Variants in EFHC2 observed in about 807,000 individuals in gnomAD.
EFHC2 encodes EF-hand domain-containing family member C2.
A neutral mutation model predicts 52.7 loss-of-function variants in EFHC2; 18 were observed. The ratio of observed to expected loss-of-function variants is 0.34; its 90% CI spans 0.24 to 0.51. EFHC2 has a LOEUF of 0.51. EFHC2 is among the 20% of genes least tolerant of loss of function. The probability of loss-of-function intolerance (pLI) is 0.97; values close to 1 mark genes in which losing one functional copy is unlikely to be tolerated. For synonymous variants in EFHC2, 203 were observed against 204.1 expected, an observed-to-expected ratio of 0.99 and a Z score of 0.04; for missense variants, 513 against 562.5, an observed-to-expected ratio of 0.91 and a Z score of 0.89.
intron 3 of EFHC2, among the ~76,000 whole-genome samples, chrX:44,272,448 A>T (rs2037624195): frequency 8.9e-6 from 1 of 112,059 alleles, no homozygotes; most frequent in African/African-American, 3.2e-5. Context: ...CAGCACCTGA[A>T]AGGATACAAG....
chrX:44,338,158 T>A (rs986931628), intron 1 of EFHC2, among the ~76,000 whole-genome samples: 1 of 111,386 alleles, frequency 9.0e-6, no homozygotes, highest in Non-Finnish European at 1.9e-5. Flanking sequence ...AAATAGTTAG[T>A]GGTTAATTTC....
intron 11 of EFHC2, among the ~76,000 whole-genome samples, chrX:44,200,512 A>C (rs1022851662): frequency 1.8e-5 from 2 of 111,901 alleles, no homozygotes; most frequent in Non-Finnish European, 3.8e-5. Flanking sequence ...TACTTAAAGA[A>C]TAAGAAGGCA....
intron 1 of EFHC2, among the ~76,000 whole-genome samples, chrX:44,315,865 C>T (rs766640968): frequency 6.1e-4 from 68 of 111,133 alleles, no homozygotes; most frequent in South Asian, 1.1e-3. Context: ...GGAAGGAGGG[C>T]GAGCTAGAGT....
chrX:44,285,733 C>T lies in EFHC2; in HGVS notation c.232-12897G>A, dbSNP rs189118652. 6 of 157,100 alleles carry T rather than the reference C, an allele frequency of 3.8e-5. No homozygotes were observed. The South Asian group carries it at 7.0e-4, about 18-fold the overall frequency. The allele number at this position is 157,100 out of a possible 1,213,427, so 12.9% of individuals were successfully genotyped here. Reference sequence around the variant, plus strand: ...TACGACACCCCAAGGCTGTGGCATTCGGCGAAATGGGCTTGGATTACTCCA... The same window carrying T: ...TACGACACCCCAAGGCTGTGGCATTTGGCGAAATGGGCTTGGATTACTCCA... On this transcript the variant is annotated intron_variant, in intron 2 of 14. Transcript: ENST00000420999.
intron 11 of EFHC2, among the ~76,000 whole-genome samples, chrX:44,215,299 C>T (rs1237688112): frequency 1.8e-5 from 2 of 110,872 alleles, no homozygotes; most frequent in East Asian, 2.8e-4. Flanking sequence ...TGATACAATT[C>T]GGATTAGTTG....
chrX:44,279,979 C>T (rs1022366622), intron 2 of EFHC2, among the ~76,000 whole-genome samples: 1 of 107,850 alleles, frequency 9.3e-6, no homozygotes, highest in Non-Finnish European at 1.9e-5. Flanking sequence ...ATTGGCCACA[C>T]TGTCCACCAC....
chrX:44,323,327 G>C (rs985302043), intron 1 of EFHC2, among the ~76,000 whole-genome samples: 2 of 112,066 alleles, frequency 1.8e-5, no homozygotes, highest in Non-Finnish European at 3.8e-5. Flanking sequence ...CTATTTTTAT[G>C]ATTTATTTTT....
At chrX:44,215,950 T>C (rs773653800) in intron 11 of EFHC2, among the ~76,000 whole-genome samples, 1 of 112,031 alleles carries the variant, frequency 8.9e-6, no homozygotes, top group Admixed American at 9.4e-5. Context: ...CAAGGGAAGG[T>C]CTTTGAACAA....
chrX:44,253,828 A>G (rs1214552524), intron 4 of EFHC2, among the ~76,000 whole-genome samples: 1 of 112,213 alleles, frequency 8.9e-6, no homozygotes, highest in African/African-American at 3.2e-5. Flanking sequence ...TCCTGCTAGG[A>G]GACACCTCCC....
chrX:44,305,176 C>A (rs897176435), intron 2 of EFHC2, among the ~76,000 whole-genome samples: 1 of 110,569 alleles, frequency 9.0e-6, no homozygotes, highest in African/African-American at 3.3e-5. Context: ...ACAGGAGAAT[C>A]GCTTGAACTT....
chrX:44,197,289 G>A (rs1437726751), intron 11 of EFHC2, among the ~76,000 whole-genome samples: 1 of 111,133 alleles, frequency 9.0e-6, no homozygotes, highest in East Asian at 2.8e-4. Context: ...ACCTTTGTTC[G>A]TTCATTCATT....
rs1057334651 is a variant in EFHC2, at chrX:44,172,083, G to A, written c.2042+4209C>T. Among the ~76,000 whole-genome samples the A allele has an allele frequency of 6.2e-5, 7 of 112,052 alleles. No individual in the cohort carries two copies. The South Asian group carries it at 1.1e-3, about 18-fold the overall frequency. On this transcript the variant is annotated intron_variant, in intron 13 of 14. Transcript: ENST00000420999. ...TAGACTATAATGAGATGATTTTAAA[G>A]CCCTGTTAACTTTTTCCATTTTAAC...
chrX:44,186,730 T>C (rs1197462975), intron 11 of EFHC2, among the ~76,000 whole-genome samples: 1 of 111,681 alleles, frequency 9.0e-6, no homozygotes, highest in Non-Finnish European at 1.9e-5. Flanking sequence ...ATATTGGTGC[T>C]TGTAATCAAT....
intron 11 of EFHC2, among the ~76,000 whole-genome samples, chrX:44,215,749 C>T (rs779905069): frequency 1.8e-5 from 2 of 111,599 alleles, no homozygotes; most frequent in South Asian, 7.5e-4. Context: ...ATGGAAAACA[C>T]ATCTAAACTC....
intron 11 of EFHC2, among the ~76,000 whole-genome samples, chrX:44,187,898 C>G (rs1372815990): frequency 9.1e-6 from 1 of 109,387 alleles, no homozygotes; most frequent in East Asian, 2.8e-4. Context: ...TAAGAGCCCA[C>G]AGCAATGGAA....
chrX:44,187,135 G>GTGTGTATATATATATATATATATATATA (rs1556001678), intron 11 of EFHC2, among the ~76,000 whole-genome samples: 1 of 61,736 alleles, frequency 1.6e-5, no homozygotes, highest in African/African-American at 8.2e-5. Flanking sequence ...AAACAAAATG[G>GTGTGTATATATATATATATATATATATA]TATATATATA....
chrX:44,308,898 G>A (rs2037925260), intron 2 of EFHC2, among the ~76,000 whole-genome samples: 1 of 112,669 alleles, frequency 8.9e-6, no homozygotes, highest in Non-Finnish European at 1.9e-5. Flanking sequence ...TTATCGCCTT[G>A]TGAGTACAAA....
intron 1 of EFHC2, 135 bp downstream of exon 1, chrX:44,343,412 T>A: frequency 1.5e-6 from 1 of 681,540 alleles, no homozygotes; most frequent in Non-Finnish European, 2.3e-6. Context: ...CTATAAAGTT[T>A]GGTCCAAGTT....
intron 1 of EFHC2, among the ~76,000 whole-genome samples, chrX:44,342,786 G>A (rs1476097638): frequency 9.7e-6 from 1 of 103,569 alleles, no homozygotes; most frequent in East Asian, 3.1e-4. Context: ...TGAGGCAGGA[G>A]AATCGCTTGA....
Sources: gnomAD v4.1 joint callset for allele counts (sites outside exome capture counted in the v4.1 genomes callset) on GRCh38, gnomAD v4.1.1 for gene constraint, MANE v1.5 for transcripts, NCBI Gene and HGNC (gene_info 2026-07-23, HGNC 2026-07-21) for gene names.